The following NRXN1 variants were observed in gnomAD, a reference collection of about 807,000 sequenced individuals.
NRXN1 encodes neurexin-1.
A neutral mutation model predicts 150.9 loss-of-function variants in NRXN1; 39 were observed. That is an observed-to-expected ratio of 0.26 (90% CI 0.20 to 0.34). The LOEUF (loss-of-function observed/expected upper bound fraction) is 0.34. NRXN1 is among the 10% of genes least tolerant of loss of function. The pLI is 1.00. For missense variants in NRXN1, 1,815 were observed against 1,949.9 expected (o/e 0.93, Z 1.30); for synonymous variants, 924 against 757.0 (o/e 1.22, Z -3.62).
intron 5 of NRXN1, among the ~76,000 whole-genome samples, chr2:50,905,910 C>T (rs977987688): frequency 1.3e-5 from 2 of 152,044 alleles, no homozygotes; most frequent in African/African-American, 4.8e-5. Context: ...GAAATAACTT[C>T]CCCAATATTG....
At chr2:50,523,002 T>C (rs547430030) in intron 12 of NRXN1, among the ~76,000 whole-genome samples, 7 of 152,180 alleles carry the variant, frequency 4.6e-5, no homozygotes, top group Admixed American at 4.6e-4. Flanking sequence ...CCCAAACTGC[T>C]GGGATTACAG....
intron 5 of NRXN1, among the ~76,000 whole-genome samples, chr2:50,819,396 G>A (rs1215894629): frequency 6.6e-6 from 1 of 152,092 alleles, no homozygotes; most frequent in African/African-American, 2.4e-5. Context: ...AAACCTTGAG[G>A]ATATCATGCT....
At chr2:50,858,532 TAAAG>T (rs1427238612) in intron 5 of NRXN1, among the ~76,000 whole-genome samples, 6 of 151,806 alleles carry the variant, frequency 4.0e-5, no homozygotes, top group African/African-American at 7.3e-5. Flanking sequence ...GCCTGGGAAA[TAAAG>T]AAGTCTTGAA....
chr2:49,934,637 AG>A (rs1362359637), intron 22 of NRXN1, among the ~76,000 whole-genome samples: 4 of 152,188 alleles, frequency 2.6e-5, no homozygotes, highest in Admixed American at 2.6e-4. Flanking sequence ...GTCTAGCATT[AG>A]GAAATACGAA....
intron 17 of NRXN1, among the ~76,000 whole-genome samples, chr2:50,356,973 T>C (rs945797447): frequency 2.0e-5 from 3 of 152,130 alleles, no homozygotes; most frequent in Non-Finnish European, 4.4e-5. Context: ...AATGCCTCAC[T>C]ACCAATGCCC....
chr2:50,838,611 A>G (rs2105918333), intron 5 of NRXN1, among the ~76,000 whole-genome samples: 1 of 152,254 alleles, frequency 6.6e-6, no homozygotes, highest in Admixed American at 6.5e-5. Context: ...TAAAAAGGTG[A>G]AATTTGGTCA....
intron 22 of NRXN1, among the ~76,000 whole-genome samples, chr2:49,930,463 G>T (rs1451692270): frequency 6.6e-6 from 1 of 152,150 alleles, no homozygotes; most frequent in Non-Finnish European, 1.5e-5. Context: ...GTGGAGAAGA[G>T]ATCTCAATGC....
chr2:50,551,320 T>G (rs1196691723), intron 9 of NRXN1: 1 of 152,024 alleles, frequency 6.6e-6, no homozygotes, highest in African/African-American at 2.4e-5. Context: ...TTCCATATAT[T>G]CTATTTCTTT....
intron 2 of NRXN1, among the ~76,000 whole-genome samples, chr2:50,968,621 T>C (rs1417597794): frequency 6.6e-6 from 1 of 152,128 alleles, no homozygotes; most frequent in Non-Finnish European, 1.5e-5. Context: ...TACTAGATCA[T>C]TCACATCAGC....
intron 18 of NRXN1, chr2:50,199,407 A>G (rs2062001196): frequency 6.6e-6 from 1 of 152,006 alleles, no homozygotes; most frequent in African/African-American, 2.4e-5. Context: ...ACCCCACCCC[A>G]CCAAAATATA....
intron 2 of NRXN1, among the ~76,000 whole-genome samples, chr2:50,937,757 G>A (rs970871001): frequency 6.6e-6 from 1 of 152,010 alleles, no homozygotes; most frequent in African/African-American, 2.4e-5. Flanking sequence ...TAAAGACATG[G>A]CCATGATTAG....
At chr2:50,917,623 T>C (rs921622286) in intron 5 of NRXN1, 1 of 151,572 alleles carries the variant, frequency 6.6e-6, no homozygotes, top group Non-Finnish European at 1.5e-5. Flanking sequence ...ATTGCTGTCC[T>C]TATAAAAGAC....
chr2:50,884,356 T>C (rs1196251781), intron 5 of NRXN1, among the ~76,000 whole-genome samples: 1 of 151,796 alleles, frequency 6.6e-6, no homozygotes, highest in East Asian at 1.9e-4. Context: ...TTCTTATGCC[T>C]ACACATATTA....
intron 5 of NRXN1, among the ~76,000 whole-genome samples, chr2:50,827,135 T>C (rs1330360860): frequency 2.0e-5 from 3 of 152,348 alleles, no homozygotes; most frequent in East Asian, 1.9e-4. Context: ...TGGCGCATAG[T>C]GACCTTGGTA....
At chr2:50,987,241 T>A (rs761744680) in intron 2 of NRXN1, among the ~76,000 whole-genome samples, 1 of 151,958 alleles carries the variant, frequency 6.6e-6, no homozygotes, top group Non-Finnish European at 1.5e-5. Flanking sequence ...TTAAAGATTT[T>A]CTATTTAAGT....
In NRXN1 at chr2:50,518,493, T is replaced by G. The variant is rs2092691128; in HGVS notation, c.2374+10132A>C. On this transcript the variant is annotated intron_variant, in intron 12 of 22. Coordinates refer to ENST00000401669, the MANE Select transcript of NRXN1 (RefSeq NM_001330078.2). Reference sequence around the variant, plus strand: ...AGAAAAGGGTTATACTGATTTATAGTAATACTCATTTAATGTATTTTCTGC... The same window carrying G: ...AGAAAAGGGTTATACTGATTTATAGGAATACTCATTTAATGTATTTTCTGC... 1.3e-5 allele frequency among the ~76,000 whole-genome samples: 2 copies of G among 151,932 alleles called. 1 individual carries two copies. Among genetic ancestry groups the G allele is most frequent in the South Asian group, 4.1e-4 (2 of 4,828 alleles).
At chr2:50,028,058 G>GA (rs897789629) in intron 21 of NRXN1, among the ~76,000 whole-genome samples, 11 of 149,212 alleles carry the variant, frequency 7.4e-5, no homozygotes, top group African/African-American at 2.5e-4. Flanking sequence ...AGGCTGTGGA[G>GA]AAAAAATTAA....
chr2:50,132,190 C>T (rs1359662586), intron 18 of NRXN1, among the ~76,000 whole-genome samples: 1 of 152,096 alleles, frequency 6.6e-6, no homozygotes. Context: ...GACATTAAGA[C>T]AATTAAAAAC....
intron 15 of NRXN1, among the ~76,000 whole-genome samples, chr2:50,482,921 T>C (rs956989926): frequency 6.6e-6 from 1 of 151,724 alleles, no homozygotes; most frequent in African/African-American, 2.4e-5. Flanking sequence ...CGTGGTGGCA[T>C]GCGTCTGTAG....
Sources: gnomAD v4.1 joint callset for allele counts (sites outside exome capture counted in the v4.1 genomes callset) on GRCh38, gnomAD v4.1.1 for gene constraint, MANE v1.5 for transcripts, NCBI Gene and HGNC (gene_info 2026-07-23, HGNC 2026-07-21) for gene names.